Variants in RBMS1 observed in about 807,000 individuals in gnomAD.
The protein encoded by RBMS1 is RNA binding motif single stranded interacting protein 1, also known as RNA-binding motif, single-stranded-interacting protein 1.
Under a neutral mutation model 62.3 loss-of-function variants are expected in RBMS1, and 17 were observed. That is an observed-to-expected ratio of 0.27 (90% confidence interval 0.19 to 0.41). The LOEUF is 0.41. Among genes scored for constraint, RBMS1 ranks in the 10% least tolerant of loss-of-function variants. RBMS1 has a pLI of 1.00. For missense variants in RBMS1, 334 were observed against 504.5 expected (o/e 0.66, Z 3.24); for synonymous variants, 172 against 170.0 (o/e 1.01, Z -0.09).
intron 1 of RBMS1, among the ~76,000 whole-genome samples, chr2:160,488,843 TA>T (rs1202529118): frequency 6.6e-6 from 1 of 152,176 alleles, no homozygotes; most frequent in African/African-American, 2.4e-5. Flanking sequence ...ATAAATAGGA[TA>T]AAACTTTACT....
At chr2:160,383,626 T>C (rs532515460) in intron 1 of RBMS1, among the ~76,000 whole-genome samples, 1 of 152,332 alleles carries the variant, frequency 6.6e-6, no homozygotes, top group African/African-American at 2.4e-5. Context: ...CTCAAACCTC[T>C]ATCATTTATT....
intron 4 of RBMS1, among the ~76,000 whole-genome samples, chr2:160,311,220 C>CATATATA (rs1689846208): frequency 7.1e-5 from 6 of 84,940 alleles, no homozygotes; most frequent in Admixed American, 4.6e-4. Context: ...ATCTATCTAT[C>CATATATA]TATCTATCTA....
At chr2:160,467,207 G>GC (rs1684730806) in intron 1 of RBMS1, among the ~76,000 whole-genome samples, 1 of 112,172 alleles carries the variant, frequency 8.9e-6, no homozygotes, top group Admixed American at 8.9e-5. Context: ...GGGGTAAAAA[G>GC]AAAAAAAAAA....
chr2:160,426,326 GAAGGAAGGA>G (rs1682614368), intron 1 of RBMS1, among the ~76,000 whole-genome samples: 2 of 116,432 alleles, frequency 1.7e-5, no homozygotes, highest in Non-Finnish European at 3.8e-5. Context: ...AGGAAGGAAG[GAAGGAAGGA>G]AAGGAAGGAA....
chr2:160,421,393 C>A (rs547454679), intron 1 of RBMS1, among the ~76,000 whole-genome samples: 8 of 151,628 alleles, frequency 5.3e-5, no homozygotes, highest in African/African-American at 1.7e-4. Context: ...TGAGAACATG[C>A]GGTGTTTGGT....
At chr2:160,390,277 G>A (rs910721608) in intron 1 of RBMS1, among the ~76,000 whole-genome samples, 3 of 152,208 alleles carry the variant, frequency 2.0e-5, no homozygotes, top group African/African-American at 7.2e-5. Context: ...GGAAGAGGTA[G>A]ACCTTGAATT....
intron 3 of RBMS1, among the ~76,000 whole-genome samples, chr2:160,315,495 C>T (rs2105966761): frequency 6.6e-6 from 1 of 152,328 alleles, no homozygotes; most frequent in Middle Eastern, 3.4e-3. Context: ...TCCTGCTCTC[C>T]TCTCACATTG....
At position 160,335,071 on chromosome 2, in the gene RBMS1, T is replaced by C. The variant is rs1000999701; in HGVS notation, c.252-16844A>G. 3.3e-5 allele frequency among the ~76,000 whole-genome samples: 5 copies of C among 152,030 alleles called. 1 individual carries two copies. In the South Asian group the frequency reaches 1.0e-3, roughly 32 times the overall value. ...CTGCAGAAGAAAGAGGATGATATGT[T>C]TAGAATCTAAAGAATATGATTTGTA... On this transcript the variant is annotated intron_variant, in intron 2 of 13. Transcript: ENST00000348849.
At chr2:160,407,910 G>A (rs1695846140) in intron 1 of RBMS1, 1 of 980,234 alleles carries the variant, frequency 1.0e-6, no homozygotes, top group South Asian at 4.7e-5. Context: ...CCCTGAGAGC[G>A]CGCCGGCCGG....
At chr2:160,331,789 A>G (rs1691289209) in intron 2 of RBMS1, among the ~76,000 whole-genome samples, 1 of 152,194 alleles carries the variant, frequency 6.6e-6, no homozygotes, top group African/African-American at 2.4e-5. Flanking sequence ...TAGAAAAGGA[A>G]AGACTATAAA....
At chr2:160,321,616 G>A (rs1020610793) in intron 2 of RBMS1, among the ~76,000 whole-genome samples, 2 of 151,952 alleles carry the variant, frequency 1.3e-5, no homozygotes, top group Non-Finnish European at 2.9e-5. Flanking sequence ...TCAAGCCCAC[G>A]ACTTTCTAAA....
rs76213264 is a variant in RBMS1 at position 160,321,273 on chromosome 2, T to C, written c.252-3046A>G. On this transcript the variant is annotated intron_variant, in intron 2 of 13. Coordinates refer to ENST00000348849, the MANE Select transcript of RBMS1 (RefSeq NM_016836.4). Reference sequence around the variant, plus strand: ...TCTGCCAGTGCACCTCCCTTCTCTGTGGCAGGTACTCCCCCATCTCATTCC... The same window carrying C: ...TCTGCCAGTGCACCTCCCTTCTCTGCGGCAGGTACTCCCCCATCTCATTCC... 1.8e-3 allele frequency among the ~76,000 whole-genome samples: 276 copies of C among 151,580 alleles called. 3 individuals carry two copies. In the East Asian group the frequency reaches 0.041, roughly 22 times the overall value.
chr2:160,325,646 G>A (rs1004787570), intron 2 of RBMS1, among the ~76,000 whole-genome samples: 1 of 152,142 alleles, frequency 6.6e-6, no homozygotes, highest in African/African-American at 2.4e-5. Context: ...TTGGATAGGG[G>A]AAGGAACACA....
chr2:160,334,414 C>G (rs914171801), intron 2 of RBMS1, among the ~76,000 whole-genome samples: 1 of 152,144 alleles, frequency 6.6e-6, no homozygotes, highest in Non-Finnish European at 1.5e-5. Context: ...TCCAAGCCTG[C>G]GGCAACCTGG....
chr2:160,465,299 G>A (rs1295273019), intron 1 of RBMS1, among the ~76,000 whole-genome samples: 1 of 152,074 alleles, frequency 6.6e-6, no homozygotes, highest in Non-Finnish European at 1.5e-5. Context: ...CTATCTCTAA[G>A]GTAGCCACCA....
At chr2:160,444,004 A>C (rs1683534314) in intron 1 of RBMS1, among the ~76,000 whole-genome samples, 1 of 152,102 alleles carries the variant, frequency 6.6e-6, no homozygotes, top group Non-Finnish European at 1.5e-5. Flanking sequence ...CTCAATGGGG[A>C]TATCTTTGAC....
At chr2:160,317,014 TAATTC>T (rs1482344256) in intron 3 of RBMS1, among the ~76,000 whole-genome samples, 2 of 152,230 alleles carry the variant, frequency 1.3e-5, no homozygotes, top group Non-Finnish European at 2.9e-5. Context: ...CTCTCTAGTT[TAATTC>T]ATTTAAAATA....
chr2:160,333,702 A>G (rs1359546879), intron 2 of RBMS1, among the ~76,000 whole-genome samples: 2 of 152,194 alleles, frequency 1.3e-5, no homozygotes, highest in African/African-American at 4.8e-5. Context: ...GGGGAAAGTG[A>G]AGTACAGGAT....
chr2:160,342,769 C>A (rs942881568), intron 2 of RBMS1, among the ~76,000 whole-genome samples: 38 of 117,296 alleles, frequency 3.2e-4, no homozygotes, highest in African/African-American at 4.0e-4. Flanking sequence ...ATACAAAATA[C>A]AAAAAAAAAA....
Sources: allele counts gnomAD v4.1 joint callset (sites outside exome capture counted in the v4.1 genomes callset), GRCh38; gene constraint gnomAD v4.1.1; transcripts MANE v1.5; gene names NCBI Gene and HGNC (gene_info 2026-07-23, HGNC 2026-07-21).